Variants in FAT3 observed in about 807,000 individuals in gnomAD.
FAT3 encodes the protein FAT atypical cadherin 3, also known as protocadherin Fat 3.
FAT3 carries 95 observed loss-of-function variants against 310.2 expected under a neutral mutation model. The observed-to-expected ratio is 0.31, with a 90% CI of 0.26 to 0.36. The LOEUF (loss-of-function observed/expected upper bound fraction) is 0.36. Ranked by LOEUF, FAT3 falls within the 10% of genes least tolerant of loss-of-function variation. FAT3 has a pLI of 1.00. For missense variants in FAT3, 5,408 were observed against 5,715.6 expected, an observed-to-expected ratio of 0.95 and a Z score of 1.74; for synonymous variants, 2,314 against 2,192.9, an observed-to-expected ratio of 1.06 and a Z score of -1.54.
intron 1 of FAT3, among the ~76,000 whole-genome samples, chr11:92,257,191 C>T (rs547941513): frequency 3.3e-5 from 5 of 152,236 alleles, no homozygotes; most frequent in African/African-American, 9.6e-5. Flanking sequence ...TGCTGAGGCT[C>T]ATAAATGCAT....
At chr11:92,234,476 G>A (rs1392020867) in intron 1 of FAT3, among the ~76,000 whole-genome samples, 1 of 152,156 alleles carries the variant, frequency 6.6e-6, no homozygotes, top group African/African-American at 2.4e-5. Flanking sequence ...TAAAGTTTAA[G>A]AATTTCTGGG....
In FAT3 at chr11:92,797,858, G is replaced by T. The variant is rs749765209; in HGVS notation, c.4845G>T (p.Lys1615Asn). ...TAGGGAACACTGGGAACATGTTTAA[G>T]ATCGAACCGGTCCTAGGCATCATCA... ...IEAGNTGNMF[K>N]IEPVLGIITI... Residue 1615 changes from lysine (K) to asparagine (N), a missense_variant, in exon 10 of 28, where the codon AAG becomes AAT. This residue lies in a region of FAT3 where 4,588 missense variants were observed against 4,809.8 expected (regional missense o/e 0.95). Coordinates refer to ENST00000525166, the MANE Select transcript of FAT3 (RefSeq NM_001367949.2). 6.8e-6 allele frequency: 11 copies of T among 1,612,324 alleles called. No individual in the cohort carries two copies. The highest frequency in any genetic ancestry group is 8.5e-6 in the Non-Finnish European group (10 of 1,178,542).
chr11:92,584,156 A>G (rs1473371227), intron 3 of FAT3, among the ~76,000 whole-genome samples: 1 of 151,956 alleles, frequency 6.6e-6, no homozygotes, highest in East Asian at 1.9e-4. Context: ...TTGAATCTCC[A>G]TAAATGACAG....
intron 1 of FAT3, among the ~76,000 whole-genome samples, chr11:92,327,830 C>T (rs1259199565): frequency 1.2e-4 from 19 of 152,158 alleles, no homozygotes. Context: ...ACTTCTAAAA[C>T]GAGTATGGTA....
intron 2 of FAT3, among the ~76,000 whole-genome samples, chr11:92,392,434 G>C (rs564567568): frequency 6.6e-6 from 1 of 152,226 alleles, no homozygotes; most frequent in Non-Finnish European, 1.5e-5. Context: ...TCACTCTAAA[G>C]CTGCTCCCTC....
At chr11:92,848,316 T>G (rs539821012) in intron 19 of FAT3, among the ~76,000 whole-genome samples, 12 of 152,252 alleles carry the variant, frequency 7.9e-5, no homozygotes, top group African/African-American at 2.2e-4. Flanking sequence ...TGAACAAACT[T>G]CAAGAGATAC....
At chr11:92,404,505 G>A (rs749649651) in intron 2 of FAT3, among the ~76,000 whole-genome samples, 14 of 151,204 alleles carry the variant, frequency 9.3e-5, no homozygotes, top group Non-Finnish European at 1.9e-4. Context: ...GACCTTTGAG[G>A]TCTTCTGCTT....
At chr11:92,499,723 ATGTGTG>A (rs61267708) in intron 2 of FAT3, among the ~76,000 whole-genome samples, 321 of 127,822 alleles carry the variant, frequency 2.5e-3, no homozygotes, top group Non-Finnish European at 4.0e-3. Flanking sequence ...ATGTGTGTGT[ATGTGTG>A]TGTGTGTGTG....
intron 6 of FAT3, among the ~76,000 whole-genome samples, chr11:92,773,182 A>G (rs1946501489): frequency 6.6e-6 from 1 of 152,180 alleles, no homozygotes. Flanking sequence ...ATCATAAACC[A>G]CACTTTGGTT....
At chr11:92,728,710 A>G in intron 4 of FAT3, among the ~76,000 whole-genome samples, 1 of 152,098 alleles carries the variant, frequency 6.6e-6, no homozygotes, top group East Asian at 1.9e-4. Context: ...AGGGCCAGGC[A>G]CCCTCTGGAG....
chr11:92,850,572 G>T (rs975025284), intron 19 of FAT3, among the ~76,000 whole-genome samples: 1 of 152,200 alleles, frequency 6.6e-6, no homozygotes, highest in African/African-American at 2.4e-5. Flanking sequence ...CATGAATTAA[G>T]AAGGGAGCTT....
chr11:92,621,968 T>C (rs997936836), intron 3 of FAT3, among the ~76,000 whole-genome samples: 2 of 152,146 alleles, frequency 1.3e-5, no homozygotes, highest in African/African-American at 4.8e-5. Flanking sequence ...TTCGAATGCA[T>C]TGACATGTTT....
intron 1 of FAT3, among the ~76,000 whole-genome samples, chr11:92,333,239 C>T (rs1207147872): frequency 6.6e-6 from 1 of 152,168 alleles, no homozygotes; most frequent in Non-Finnish European, 1.5e-5. Flanking sequence ...TGCAATTCCA[C>T]ATGTGGAATC....
At chr11:92,662,966 C>A (rs945478435) in intron 3 of FAT3, among the ~76,000 whole-genome samples, 2 of 152,144 alleles carry the variant, frequency 1.3e-5, no homozygotes, top group Non-Finnish European at 2.9e-5. Context: ...GGGAATGGCC[C>A]GGTTCCTCAC....
At chr11:92,764,763 C>A in intron 5 of FAT3, 116 bp from the exon 6 acceptor site, 1 of 917,742 alleles carries the variant, frequency 1.1e-6, no homozygotes, top group Non-Finnish European at 1.6e-6. Flanking sequence ...CCTTTCTTCC[C>A]CTTGCTGACA....
At chr11:92,505,037 A>T (rs990244169) in intron 2 of FAT3, among the ~76,000 whole-genome samples, 2 of 152,078 alleles carry the variant, frequency 1.3e-5, no homozygotes, top group Non-Finnish European at 2.9e-5. Flanking sequence ...AGGCAGAACA[A>T]TGCAATGCAC....
At chr11:92,640,560 A>C (rs1941921564) in intron 3 of FAT3, among the ~76,000 whole-genome samples, 1 of 152,192 alleles carries the variant, frequency 6.6e-6, no homozygotes, top group African/African-American at 2.4e-5. Context: ...ATACACATAA[A>C]AGTAAGGACA....
At chr11:92,788,901 G>T (rs1946967001) in intron 7 of FAT3, among the ~76,000 whole-genome samples, 1 of 152,080 alleles carries the variant, frequency 6.6e-6, no homozygotes, top group South Asian at 2.1e-4. Context: ...GAGTTTGAAG[G>T]AGAACCTATA....
At chr11:92,809,465 G>C (rs2136210394) in intron 12 of FAT3, among the ~76,000 whole-genome samples, 1 of 152,322 alleles carries the variant, frequency 6.6e-6, no homozygotes, top group East Asian at 1.9e-4. Flanking sequence ...AGATATACCA[G>C]TCCATTCTCT....
Sources: allele counts gnomAD v4.1 joint callset (sites outside exome capture counted in the v4.1 genomes callset), GRCh38; gene constraint gnomAD v4.1.1; regional missense constraint gnomAD v4.1.1; transcripts MANE v1.5; gene names NCBI Gene and HGNC (gene_info 2026-07-23, HGNC 2026-07-21).